The following RAD51B variants were observed in gnomAD, a reference collection of about 807,000 sequenced individuals.
The protein encoded by RAD51B is RAD51 paralog B.
Under a neutral mutation model 42.2 loss-of-function variants are expected in RAD51B, and 38 were observed. The ratio of observed to expected loss-of-function variants is 0.90; its 90% CI spans 0.70 to 1.18. RAD51B has a LOEUF of 1.18. Ranked by LOEUF, RAD51B falls within the 50% of genes most tolerant of loss-of-function variation. RAD51B has a pLI of 0.00. For missense variants in RAD51B, 373 were observed against 400.7 expected, an observed-to-expected ratio of 0.93 and a Z score of 0.59; for synonymous variants, 154 against 145.2, an observed-to-expected ratio of 1.06 and a Z score of -0.43.
intron 7 of RAD51B, among the ~76,000 whole-genome samples, chr14:68,073,641 T>G (rs1230615488): frequency 6.6e-6 from 1 of 152,182 alleles, no homozygotes; most frequent in African/African-American, 2.4e-5. Flanking sequence ...TTTGAGTATA[T>G]TTTTGTAGTG....
At chr14:68,040,016 G>A (rs1349923378) in intron 7 of RAD51B, among the ~76,000 whole-genome samples, 2 of 152,190 alleles carry the variant, frequency 1.3e-5, no homozygotes, top group Non-Finnish European at 2.9e-5. Context: ...GTTTAGATTG[G>A]TTAATGTAAG....
At chr14:68,143,681 C>T (rs2078186234) in intron 7 of RAD51B, among the ~76,000 whole-genome samples, 2 of 152,214 alleles carry the variant, frequency 1.3e-5, no homozygotes, top group Admixed American at 6.5e-5. Flanking sequence ...TATGCCAAGT[C>T]CTTGCCTAAT....
intron 10 of RAD51B, among the ~76,000 whole-genome samples, chr14:68,507,285 G>C (rs751092831): frequency 6.6e-6 from 1 of 152,106 alleles, no homozygotes; most frequent in Non-Finnish European, 1.5e-5. Context: ...GGGTGTCCTC[G>C]TGTGTGTTTA....
At chr14:68,239,906 A>T (rs941279337) in intron 7 of RAD51B, among the ~76,000 whole-genome samples, 4 of 152,228 alleles carry the variant, frequency 2.6e-5, no homozygotes, top group Non-Finnish European at 5.9e-5. Flanking sequence ...CTTAGGTTGG[A>T]TGTGAAAAAG....
chr14:68,167,200 G>A (rs1237511095), intron 7 of RAD51B, among the ~76,000 whole-genome samples: 1 of 152,028 alleles, frequency 6.6e-6, no homozygotes, highest in African/African-American at 2.4e-5. Flanking sequence ...CTTGTTTCTA[G>A]TCTTGAATCC....
chr14:68,251,328 G>A (rs576233421), intron 7 of RAD51B, among the ~76,000 whole-genome samples: 67 of 152,200 alleles, frequency 4.4e-4, no homozygotes, highest in Non-Finnish European at 8.8e-4. Flanking sequence ...GATGAGCCCC[G>A]GCCCATTAAA....
chr14:68,473,513 C>A (rs1041098916), intron 10 of RAD51B, among the ~76,000 whole-genome samples: 2 of 152,102 alleles, frequency 1.3e-5, no homozygotes, highest in Non-Finnish European at 2.9e-5. Flanking sequence ...TCCATGACAT[C>A]TTCTCACACA....
chr14:68,004,332 C>CAAA (rs767211363), intron 7 of RAD51B, among the ~76,000 whole-genome samples: 6 of 57,462 alleles, frequency 1.0e-4, no homozygotes, highest in East Asian at 5.0e-4. Flanking sequence ...GACTCCGTCT[C>CAAA]AAAAAAAAAA....
At chr14:68,074,922 C>T (rs942418863) in intron 7 of RAD51B, among the ~76,000 whole-genome samples, 1 of 152,220 alleles carries the variant, frequency 6.6e-6, no homozygotes, top group Admixed American at 6.5e-5. Context: ...TGCAGCTGTG[C>T]TCCCTTTCAG....
At chr14:68,507,091 G>T (rs535532966) in intron 10 of RAD51B, among the ~76,000 whole-genome samples, 1 of 152,260 alleles carries the variant, frequency 6.6e-6, no homozygotes, top group South Asian at 2.1e-4. Context: ...TGGGGAGGGA[G>T]TGTGGGCATC....
chr14:67,979,791 T>C (rs767001814), intron 7 of RAD51B, among the ~76,000 whole-genome samples: 21 of 152,192 alleles, frequency 1.4e-4, no homozygotes, highest in Non-Finnish European at 2.8e-4. Flanking sequence ...CTATCTTCTA[T>C]ATCTTTTGAC....
intron 10 of RAD51B, among the ~76,000 whole-genome samples, chr14:68,616,986 A>G (rs1370725008): frequency 6.6e-6 from 1 of 151,524 alleles, no homozygotes; most frequent in Non-Finnish European, 1.5e-5. Context: ...CCTGGAGTAT[A>G]TTTTGCCTAC....
At chr14:68,085,599 C>T (rs535360358) in intron 7 of RAD51B, among the ~76,000 whole-genome samples, 60 of 152,284 alleles carry the variant, frequency 3.9e-4, no homozygotes, top group African/African-American at 1.3e-3. Flanking sequence ...GATTTTGTAA[C>T]TAAAAAGCAT....
chr14:68,560,730 C>G (rs1889103355), intron 10 of RAD51B, among the ~76,000 whole-genome samples: 1 of 152,110 alleles, frequency 6.6e-6, no homozygotes, highest in Admixed American at 6.6e-5. Context: ...AAGTGAGACT[C>G]CATCTCAAAA....
At chr14:68,010,862 A>C (rs2075672502) in intron 7 of RAD51B, among the ~76,000 whole-genome samples, 1 of 151,918 alleles carries the variant, frequency 6.6e-6, no homozygotes, top group Admixed American at 6.6e-5. Context: ...TTTCAATTAT[A>C]CAGTAATGTA....
intron 9 of RAD51B, among the ~76,000 whole-genome samples, chr14:68,461,934 A>G (rs1259417904): frequency 1.3e-5 from 2 of 152,310 alleles, no homozygotes; most frequent in East Asian, 3.9e-4. Flanking sequence ...AGAAACCTCC[A>G]CACACCAGCA....
At chr14:68,102,485 A>G (rs1273701550) in intron 7 of RAD51B, among the ~76,000 whole-genome samples, 2 of 152,144 alleles carry the variant, frequency 1.3e-5, no homozygotes. Context: ...CTAAAGCATA[A>G]CAAGAGTCAA....
intron 7 of RAD51B, among the ~76,000 whole-genome samples, chr14:68,036,209 C>G (rs148745384): frequency 6.6e-6 from 1 of 152,162 alleles, no homozygotes; most frequent in Non-Finnish European, 1.5e-5. Flanking sequence ...TTATGTGTCT[C>G]CATCTTTATT....
At chr14:68,252,610 C>G (rs1283417549) in intron 7 of RAD51B, among the ~76,000 whole-genome samples, 1 of 152,144 alleles carries the variant, frequency 6.6e-6, no homozygotes, top group Non-Finnish European at 1.5e-5. Context: ...TTTTGTATAA[C>G]AACATTGCAG....
Sources: gnomAD v4.1 joint callset for allele counts (sites outside exome capture counted in the v4.1 genomes callset) on GRCh38, gnomAD v4.1.1 for gene constraint, MANE v1.5 for transcripts, NCBI Gene and HGNC (gene_info 2026-07-23, HGNC 2026-07-21) for gene names.